Variants in RALGAPA2 observed in about 807,000 individuals in gnomAD.
The protein encoded by RALGAPA2 is Ral GTPase activating protein catalytic subunit alpha 2.
A neutral mutation model predicts 230.4 loss-of-function variants in RALGAPA2; 139 were observed. The ratio of observed to expected loss-of-function variants is 0.60; its 90% confidence interval spans 0.53 to 0.69. RALGAPA2 has a LOEUF of 0.69. Among genes scored for constraint, RALGAPA2 ranks in the 30% least tolerant of loss-of-function variants. The pLI, the probability that RALGAPA2 is intolerant of heterozygous loss-of-function variation, is 0.00. For synonymous variants in RALGAPA2, 847 were observed against 837.8 expected (o/e 1.01, Z -0.19); for missense variants, 2,163 against 2,276.0 (o/e 0.95, Z 1.01).
intron 36 of RALGAPA2, among the ~76,000 whole-genome samples, chr20:20,491,599 T>C (rs1417449819): frequency 6.6e-6 from 1 of 152,214 alleles, no homozygotes; most frequent in Non-Finnish European, 1.5e-5. Flanking sequence ...ATGAATCACT[T>C]TTCTGAAGAA....
chr20:20,673,515 A>G (rs931340339), intron 3 of RALGAPA2, among the ~76,000 whole-genome samples: 2 of 152,096 alleles, frequency 1.3e-5, no homozygotes, highest in Admixed American at 1.3e-4. Flanking sequence ...TGGTGATAAG[A>G]ACAAATCCTC....
chr20:20,505,043 T>G lies in RALGAPA2; in HGVS notation c.5052+368A>C, dbSNP rs189234471. 4.2e-5 allele frequency: 41 copies of G among 985,318 alleles called. 1 individual carries two copies. In the Admixed American group the frequency reaches 2.3e-3, roughly 56 times the overall value. 61.0% of individuals were successfully genotyped at this position (985,318 alleles called of 1,614,324 possible). Reference sequence around the variant, plus strand: ...CTTCATCCAACTCTTTCTTCATCTTTTCACCCATCAAGTCATTGACTTCTT... The same window carrying G: ...CTTCATCCAACTCTTTCTTCATCTTGTCACCCATCAAGTCATTGACTTCTT... On this transcript the variant is annotated intron_variant, in intron 34 of 39. Coordinates refer to ENST00000202677, the MANE Select transcript of RALGAPA2 (RefSeq NM_020343.4).
At chr20:20,681,021 G>C (rs1451179735) in intron 1 of RALGAPA2, among the ~76,000 whole-genome samples, 1 of 152,148 alleles carries the variant, frequency 6.6e-6, no homozygotes, top group East Asian at 1.9e-4. Context: ...GGAGACCGTG[G>C]AGCCAATTCA....
chr20:20,512,674 C>T lies in RALGAPA2; in HGVS notation c.4695G>A (p.Leu1565=). ...ACTCATCCTCTTGAGCATTTTGGCGCAAAATGACCTCAATGATTTCCTTCT... is the reference window on the plus strand; with the variant it reads ...ACTCATCCTCTTGAGCATTTTGGCGTAAAATGACCTCAATGATTTCCTTCT... The part of the protein sequence containing the change: ...DQEKEIIEVI[L]RQNAQEDEYI... Residue 1565 remains leucine, a synonymous_variant, in exon 32 of 40, where the codon TTG becomes TTA. Coordinates refer to ENST00000202677, the MANE Select transcript of RALGAPA2 (RefSeq NM_020343.4). 6.2e-7 allele frequency: 1 copy of T among 1,613,956 alleles called. No homozygotes were observed. The highest frequency in any genetic ancestry group is 1.1e-5 in the South Asian group (1 of 91,078).
In RALGAPA2 at chr20:20,495,463, T is replaced by C. The variant is rs1012937225; in HGVS notation, c.5209-188A>G. Among the ~76,000 whole-genome samples the C allele has an allele frequency of 3.3e-5, 5 of 152,262 alleles. No homozygotes were observed. The East Asian group carries it at 7.7e-4, about 23-fold the overall frequency. ...GTGCATAAAAACACAGCCTGTCTTC[T>C]TAATGTGTTGGTACCAAGATAAGGC... On this transcript the variant is annotated intron_variant, in intron 35 of 39. Transcript: ENST00000202677.
At chr20:20,634,474 G>C (rs73294720) in intron 9 of RALGAPA2, among the ~76,000 whole-genome samples, 1,688 of 152,210 alleles carry the variant, frequency 0.011, 29 homozygotes, top group African/African-American at 0.039. Context: ...TTAAAAATAA[G>C]TTCTCCTCTA....
intron 37 of RALGAPA2, among the ~76,000 whole-genome samples, chr20:20,433,279 C>A (rs972284339): frequency 6.6e-6 from 1 of 152,138 alleles, no homozygotes; most frequent in African/African-American, 2.4e-5. Context: ...GATAGGCAAA[C>A]CAATATTAGC....
intron 12 of RALGAPA2, among the ~76,000 whole-genome samples, chr20:20,617,913 A>C (rs6082067): frequency 0.029 from 4,445 of 152,282 alleles, 86 homozygotes; most frequent in South Asian, 0.06. Flanking sequence ...CTGTAGCACT[A>C]TATATAATAA....
chr20:20,494,876 T>C (rs1165838889), intron 36 of RALGAPA2, among the ~76,000 whole-genome samples: 1 of 152,228 alleles, frequency 6.6e-6, no homozygotes, highest in Non-Finnish European at 1.5e-5. Context: ...AAATTTGACA[T>C]TATAATTTCC....
At chr20:20,469,310 G>A (rs1443297362) in intron 37 of RALGAPA2, among the ~76,000 whole-genome samples, 1 of 152,184 alleles carries the variant, frequency 6.6e-6, no homozygotes, top group Non-Finnish European at 1.5e-5. Flanking sequence ...AAAGAAACAA[G>A]GTTGTTATAG....
At chr20:20,604,831 T>C (rs1409234013) in intron 15 of RALGAPA2, among the ~76,000 whole-genome samples, 1 of 152,250 alleles carries the variant, frequency 6.6e-6, no homozygotes, top group African/African-American at 2.4e-5. Flanking sequence ...AGTTTCTTTG[T>C]CTGTGATATG....
At chr20:20,408,672 G>A (rs969477429) in intron 38 of RALGAPA2, among the ~76,000 whole-genome samples, 3 of 152,060 alleles carry the variant, frequency 2.0e-5, no homozygotes, top group Admixed American at 6.6e-5. Context: ...CCTCTCTGCC[G>A]GTCCCTCTTT....
chr20:20,424,161 C>T (rs1017202714), intron 37 of RALGAPA2, among the ~76,000 whole-genome samples: 3 of 152,084 alleles, frequency 2.0e-5, no homozygotes, highest in Admixed American at 6.5e-5. Context: ...TCAGTTCTTC[C>T]CAGGGGATTG....
At chr20:20,513,905 A>G (rs1282962873) in intron 31 of RALGAPA2, among the ~76,000 whole-genome samples, 1 of 152,196 alleles carries the variant, frequency 6.6e-6, no homozygotes, top group Non-Finnish European at 1.5e-5. Context: ...TGCTACAGCT[A>G]AAGTTTCTCC....
chr20:20,600,452 A>C (rs1174412139), intron 16 of RALGAPA2, among the ~76,000 whole-genome samples: 1 of 152,224 alleles, frequency 6.6e-6, no homozygotes, highest in East Asian at 1.9e-4. Context: ...AGAAAGAAAG[A>C]AGCAGAATAG....
At chr20:20,664,571 C>A (rs181090331) in intron 3 of RALGAPA2, among the ~76,000 whole-genome samples, 9 of 152,266 alleles carry the variant, frequency 5.9e-5, no homozygotes, top group Non-Finnish European at 1.0e-4. Context: ...CAGTCACAAC[C>A]AAATCTGCCA....
intron 3 of RALGAPA2, among the ~76,000 whole-genome samples, chr20:20,665,346 C>T (rs1444363399): frequency 2.6e-5 from 4 of 152,156 alleles, no homozygotes; most frequent in Non-Finnish European, 5.9e-5. Flanking sequence ...TCAAGTGGCA[C>T]ACTATGTGAA....
chr20:20,528,009 G>C (rs906631187), intron 27 of RALGAPA2, among the ~76,000 whole-genome samples: 1 of 152,178 alleles, frequency 6.6e-6, no homozygotes, highest in Non-Finnish European at 1.5e-5. Flanking sequence ...GAGGCTTGGG[G>C]GAAAACAGGC....
chr20:20,422,442 G>A (rs4263179), intron 37 of RALGAPA2, among the ~76,000 whole-genome samples: 94,683 of 151,850 alleles, frequency 0.62, 29,675 homozygotes, highest in African/African-American at 0.7. Context: ...CTAATGGCAC[G>A]TGCCTGTGGT....
Sources: allele counts gnomAD v4.1 joint callset (sites outside exome capture counted in the v4.1 genomes callset), GRCh38; gene constraint gnomAD v4.1.1; transcripts MANE v1.5; gene names NCBI Gene and HGNC (gene_info 2026-07-23, HGNC 2026-07-21).